The following SHISA6 variants were observed in gnomAD, a reference collection of about 807,000 sequenced individuals.
SHISA6 encodes the protein protein shisa-6.
SHISA6 carries 22 observed loss-of-function variants against 47.9 expected under a neutral mutation model. The observed-to-expected ratio is 0.46, with a 90% confidence interval of 0.33 to 0.66. SHISA6 has a LOEUF of 0.66. SHISA6 is among the 30% of genes least tolerant of loss of function. The pLI, the probability that SHISA6 is intolerant of heterozygous loss-of-function variation, is 0.02. For missense variants in SHISA6, 680 were observed against 764.6 expected (o/e 0.89, Z 1.30); for synonymous variants, 388 against 337.8 (o/e 1.15, Z -1.63).
At chr17:11,531,257 G>A (rs1197834841) in intron 3 of SHISA6, among the ~76,000 whole-genome samples, 2 of 113,248 alleles carry the variant, frequency 1.8e-5, no homozygotes, top group African/African-American at 3.9e-5. Context: ...GTGTGTGTGT[G>A]TGTGTGTGTA....
intron 3 of SHISA6, among the ~76,000 whole-genome samples, chr17:11,450,677 A>G (rs1915371552): frequency 6.7e-6 from 1 of 149,810 alleles, no homozygotes; most frequent in South Asian, 2.2e-4. Flanking sequence ...CCTGGGCAAC[A>G]AGAGCAAAAC....
chr17:11,286,908 C>T (rs145389908), intron 2 of SHISA6, among the ~76,000 whole-genome samples: 54 of 152,246 alleles, frequency 3.5e-4, no homozygotes, highest in African/African-American at 1.1e-3. Flanking sequence ...GTCCTGAATG[C>T]CTGGGAATAT....
intron 3 of SHISA6, among the ~76,000 whole-genome samples, chr17:11,410,136 G>T (rs1348118604): frequency 6.6e-6 from 1 of 152,160 alleles, no homozygotes; most frequent in Non-Finnish European, 1.5e-5. Context: ...ATCTCAGATT[G>T]CTCTTTGAGC....
chr17:11,500,711 T>A (rs143486981), intron 3 of SHISA6, among the ~76,000 whole-genome samples: 2 of 152,212 alleles, frequency 1.3e-5, no homozygotes, highest in Non-Finnish European at 2.9e-5. Flanking sequence ...CATTAAAAAT[T>A]CATTTTCTGA....
chr17:11,294,952 G>T (rs1909693370), intron 2 of SHISA6, among the ~76,000 whole-genome samples: 1 of 152,176 alleles, frequency 6.6e-6, no homozygotes, highest in Non-Finnish European at 1.5e-5. Context: ...CCATTAAGAA[G>T]CAAAATAAAG....
chr17:11,502,325 C>A (rs1321313417), intron 3 of SHISA6, among the ~76,000 whole-genome samples: 1 of 137,730 alleles, frequency 7.3e-6, no homozygotes, highest in Non-Finnish European at 1.5e-5. Context: ...AGGAGAATGG[C>A]GTGAACCCGG....
intron 3 of SHISA6, among the ~76,000 whole-genome samples, chr17:11,530,664 A>G (rs1248054106): frequency 6.6e-6 from 1 of 152,196 alleles, no homozygotes; most frequent in Non-Finnish European, 1.5e-5. Flanking sequence ...ATGTCTCAGA[A>G]CACCATGTTA....
chr17:11,496,572 T>C (rs971974335), intron 3 of SHISA6, among the ~76,000 whole-genome samples: 12 of 151,976 alleles, frequency 7.9e-5, no homozygotes, highest in Non-Finnish European at 1.3e-4. Context: ...ACCCCATCTC[T>C]ACTAAAAATA....
chr17:11,339,906 C>G (rs1911465494), intron 2 of SHISA6, among the ~76,000 whole-genome samples: 1 of 152,102 alleles, frequency 6.6e-6, no homozygotes, highest in Non-Finnish European at 1.5e-5. Flanking sequence ...AGAAGGAAGA[C>G]CAAGACTTGC....
chr17:11,413,381 G>C (rs1914192152), intron 3 of SHISA6, among the ~76,000 whole-genome samples: 1 of 152,204 alleles, frequency 6.6e-6, no homozygotes, highest in African/African-American at 2.4e-5. Flanking sequence ...GGAAGCTCCA[G>C]TTATGACATT....
intron 2 of SHISA6, among the ~76,000 whole-genome samples, chr17:11,360,047 C>G (rs1338114233): frequency 1.3e-5 from 2 of 152,182 alleles, no homozygotes; most frequent in African/African-American, 4.8e-5. Flanking sequence ...TTTACCATAG[C>G]AAAGACTTGG....
intron 3 of SHISA6, among the ~76,000 whole-genome samples, chr17:11,516,859 G>A (rs562580255): frequency 6.6e-6 from 1 of 152,214 alleles, no homozygotes; most frequent in East Asian, 1.9e-4. Flanking sequence ...TCACACACAT[G>A]GATTAAAAAA....
chr17:11,451,587 T>C (rs1915404338), intron 3 of SHISA6, among the ~76,000 whole-genome samples: 1 of 152,100 alleles, frequency 6.6e-6, no homozygotes, highest in African/African-American at 2.4e-5. Context: ...CAAGGACTGA[T>C]AGAGTGGTTG....
intron 1 of SHISA6, among the ~76,000 whole-genome samples, chr17:11,249,946 G>A (rs969338973): frequency 6.6e-6 from 1 of 152,196 alleles, no homozygotes; most frequent in African/African-American, 2.4e-5. Flanking sequence ...GGCAATCCAC[G>A]ATGATCATTT....
rs140950442 is a variant in SHISA6 at position 11,482,011 on chromosome 17, A to G, written c.896-69885A>G. Among the ~76,000 whole-genome samples the G allele has an allele frequency of 2.7e-3, 413 of 152,322 alleles. 2 individuals are homozygous for G. The highest frequency in any genetic ancestry group is 9.5e-3 in the African/African-American group (393 of 41,564). ...GACTAAAAGATGGGAATGGACAGAG[A>G]AAAGACTTTGAAGTGTGAGCTCAGT... is the stretch of plus-strand genomic sequence containing the variant. On this transcript the variant is annotated intron_variant, in intron 3 of 5. Transcript: ENST00000441885.
chr17:11,389,519 T>A (rs78213693), intron 3 of SHISA6, among the ~76,000 whole-genome samples: 4,618 of 152,304 alleles, frequency 0.03, 190 homozygotes, highest in African/African-American at 0.091. Flanking sequence ...GTCTTCTTTC[T>A]ATTAGGCAGA....
At chr17:11,493,673 C>T (rs898241511) in intron 3 of SHISA6, among the ~76,000 whole-genome samples, 4 of 152,198 alleles carry the variant, frequency 2.6e-5, no homozygotes, top group Non-Finnish European at 4.4e-5. Flanking sequence ...CAAGGGGTAC[C>T]GTATACAAGG....
At chr17:11,438,780 G>A (rs1915014285) in intron 3 of SHISA6, among the ~76,000 whole-genome samples, 1 of 152,164 alleles carries the variant, frequency 6.6e-6, no homozygotes, top group Non-Finnish European at 1.5e-5. Context: ...TAAAGACATT[G>A]TTAATTAATC....
At chr17:11,497,575 C>A (rs1445853250) in intron 3 of SHISA6, among the ~76,000 whole-genome samples, 1 of 152,202 alleles carries the variant, frequency 6.6e-6, no homozygotes, top group African/African-American at 2.4e-5. Flanking sequence ...AATGCCACTT[C>A]AGGGATCAAT....
Sources: gnomAD v4.1 joint callset for allele counts (sites outside exome capture counted in the v4.1 genomes callset) on GRCh38, gnomAD v4.1.1 for gene constraint, MANE v1.5 for transcripts, NCBI Gene and HGNC (gene_info 2026-07-23, HGNC 2026-07-21) for gene names.